The following LAMTOR3 variants were observed in gnomAD, a reference collection of about 807,000 sequenced individuals.
LAMTOR3 encodes late endosomal/lysosomal adaptor, MAPK and MTOR activator 3.
A neutral mutation model predicts 20.3 loss-of-function variants in LAMTOR3; 14 were observed. The observed-to-expected ratio is 0.69, with a 90% CI of 0.46 to 1.08. LAMTOR3 has a LOEUF of 1.08. Ranked by LOEUF, LAMTOR3 falls within the 50% of genes least tolerant of loss-of-function variation. The pLI is 0.00. For missense variants in LAMTOR3, 125 were observed against 143.7 expected (o/e 0.87, Z 0.67); for synonymous variants, 40 against 49.4 (o/e 0.81, Z 0.80).
chr4:99,885,537 C>A lies in LAMTOR3; in HGVS notation c.237+5G>T. On this transcript the variant is annotated splice_donor_5th_base_variant and intron_variant, in intron 5 of 6. Transcript: ENST00000499666. ...CAGCAAATCATTTTATAATTATGAACTTACCTGGTAGGTGTTATAGTAACA... is the reference window on the plus strand; with the variant it reads ...CAGCAAATCATTTTATAATTATGAAATTACCTGGTAGGTGTTATAGTAACA... 1.3e-6 allele frequency: 2 copies of A among 1,594,428 alleles called. No homozygotes were observed. Among genetic ancestry groups the A allele is most frequent in the Non-Finnish European group, 1.7e-6 (2 of 1,172,262 alleles).
chr4:99,884,592 C>T (rs2110179974), intron 5 of LAMTOR3, among the ~76,000 whole-genome samples: 1 of 152,110 alleles, frequency 6.6e-6, no homozygotes, highest in African/African-American at 2.4e-5. Context: ...TAGTTTAAAC[C>T]TAATCCTTAT....
chr4:99,886,086 C>T (rs771050634), intron 4 of LAMTOR3, among the ~76,000 whole-genome samples: 35 of 152,176 alleles, frequency 2.3e-4, no homozygotes, highest in Non-Finnish European at 4.9e-4. Flanking sequence ...TAACAATCTG[C>T]AGCTGGTTAC....
rs1011988353 is a variant in LAMTOR3 at position 99,893,210 on chromosome 4, T to C, written c.9+745A>G. 1.1e-3 allele frequency among the ~76,000 whole-genome samples: 166 copies of C among 152,156 alleles called. 2 individuals carry two copies. Among genetic ancestry groups the C allele is most frequent in the Non-Finnish European group, 1.3e-4 (9 of 67,988 alleles). ...AATTTCTTTTTGTAGAACGGGGTCT[T>C]GCTATGTTGCCCAGGCTGATCTTGA... On this transcript the variant is annotated intron_variant, in intron 2 of 6. Transcript: ENST00000499666.
chr4:99,891,869 C>T (rs1206043068), intron 3 of LAMTOR3, 131 bp downstream of exon 3: 1 of 1,405,660 alleles, frequency 7.1e-7, no homozygotes, highest in Non-Finnish European at 9.3e-7. Context: ...GGACGTGAGG[C>T]TGGCAAAAAA....
In LAMTOR3 at chr4:99,885,549, G is replaced by A; in HGVS notation, c.230C>T (p.Thr77Ile). The A allele has an allele frequency of 6.2e-7, 1 of 1,610,392 alleles. No individual in the cohort carries two copies. Among genetic ancestry groups the A allele is most frequent in the Non-Finnish European group, 8.5e-7 (1 of 1,178,500 alleles). The change falls in exon 5 of 7, where the codon ACC becomes ATC. Residue 77 changes from threonine (T) to isoleucine (I), a missense_variant. Physicochemically the swap from Thr to Ile is moderately conservative, Grantham distance 89. Around this residue, in one of 3 missense-constraint regions of LAMTOR3, gnomAD observed 99 missense variants for 96.0 expected, o/e 1.03. Coordinates refer to ENST00000499666, the MANE Select transcript of LAMTOR3 (RefSeq NM_021970.4). ...TTATAATTATGAACTTACCTGGTAG[G>A]TGTTATAGTAACAGATGATACTTTT... is the stretch of plus-strand genomic sequence containing the variant. ...KNKSIICYYN[T>I]YQVVQFNRLP...
intron 3 of LAMTOR3, among the ~76,000 whole-genome samples, chr4:99,889,140 G>A (rs1724979720): frequency 6.6e-6 from 1 of 152,152 alleles, no homozygotes; most frequent in African/African-American, 2.4e-5. Flanking sequence ...GGGTTGCAGT[G>A]AGCCAAGATT....
At chr4:99,890,900 T>C (rs1725010103) in intron 3 of LAMTOR3, among the ~76,000 whole-genome samples, 1 of 152,202 alleles carries the variant, frequency 6.6e-6, no homozygotes, top group Non-Finnish European at 1.5e-5. Context: ...AGCTTCATCA[T>C]ATCCAGTGTC....
intron 3 of LAMTOR3, among the ~76,000 whole-genome samples, chr4:99,889,954 C>A (rs1280254935): frequency 6.6e-6 from 1 of 152,076 alleles, no homozygotes; most frequent in Non-Finnish European, 1.5e-5. Context: ...AAATTACTTA[C>A]ACTCTTAAGT....
intron 4 of LAMTOR3, among the ~76,000 whole-genome samples, chr4:99,886,806 T>TA (rs1195546798): frequency 1.3e-5 from 2 of 152,140 alleles, no homozygotes; most frequent in Admixed American, 1.3e-4. Context: ...ATAGAAATAG[T>TA]AAAAATTGTC....
intron 2 of LAMTOR3, 54 bp from the exon 3 acceptor site, chr4:99,892,088 C>T: frequency 6.6e-7 from 1 of 1,526,602 alleles, no homozygotes; most frequent in South Asian, 1.3e-5. Flanking sequence ...CCACTGTTTT[C>T]TAGATCCTGT....
chr4:99,883,539 C>A (rs983073320), intron 6 of LAMTOR3, among the ~76,000 whole-genome samples: 1 of 151,952 alleles, frequency 6.6e-6, no homozygotes, highest in Non-Finnish European at 1.5e-5. Flanking sequence ...CATTTGTTCT[C>A]AAATTCTTCA....
Position 99,879,384 on chromosome 4 carries a change from T to G in LAMTOR3, c.*2610A>C, listed in dbSNP as rs1724776394. On this transcript the variant is annotated 3_prime_UTR_variant, in exon 7 of 7. Coordinates refer to ENST00000499666, the MANE Select transcript of LAMTOR3 (RefSeq NM_021970.4). Reference sequence around the variant, plus strand: ...TATACCCCCTCAGAAATTTTAACAGTGGCAGCATTCAACATGTAAAGGTTA... The same window carrying G: ...TATACCCCCTCAGAAATTTTAACAGGGGCAGCATTCAACATGTAAAGGTTA... 1 of 152,194 alleles carries G rather than the reference T, an allele frequency of 6.6e-6. No individual in the cohort carries two copies. The highest frequency in any genetic ancestry group is 2.1e-4 in the South Asian group (1 of 4,834). The allele number at this position is 152,194 out of a possible 1,614,324, so 9.4% of individuals were successfully genotyped here.
intron 6 of LAMTOR3, 63 bp downstream of exon 6, chr4:99,883,999 T>G (rs1310987201): frequency 8.7e-7 from 1 of 1,153,248 alleles, no homozygotes; most frequent in Admixed American, 1.9e-5. Context: ...AATTAAGGTA[T>G]GGTAATTAAA....
intron 3 of LAMTOR3, among the ~76,000 whole-genome samples, chr4:99,891,744 A>G (rs1725026497): frequency 1.3e-5 from 2 of 152,370 alleles, no homozygotes; most frequent in Non-Finnish European, 2.9e-5. Context: ...GAATTATAGA[A>G]GAAACAGATG....
chr4:99,882,581 G>A (rs1041467204), intron 6 of LAMTOR3, among the ~76,000 whole-genome samples: 5 of 151,924 alleles, frequency 3.3e-5, no homozygotes, highest in African/African-American at 1.2e-4. Flanking sequence ...GTTTTGAAAG[G>A]AAAATCTTAA....
chr4:99,883,227 T>C (rs574650436), intron 6 of LAMTOR3, among the ~76,000 whole-genome samples: 15 of 152,162 alleles, frequency 9.9e-5, no homozygotes, highest in Non-Finnish European at 8.8e-5. Context: ...AGAGATCTAA[T>C]AGATCATCAA....
rs1038135313 is a variant in LAMTOR3, at chr4:99,879,080, G to C, written c.*2914C>G. 6 of 152,134 alleles carry C rather than the reference G, an allele frequency of 3.9e-5. No homozygotes were observed. The highest frequency in any genetic ancestry group is 1.4e-4 in the African/African-American group (6 of 41,414). The allele number at this position is 152,134 out of a possible 1,614,324, so 9.4% of individuals were successfully genotyped here. On this transcript the variant is annotated 3_prime_UTR_variant, in exon 7 of 7. Transcript: ENST00000499666. ...TTGCTGTACATAAAGAGTATAACAAGTCACACTTCCCTAGCAGGCATAGAG... is the reference window on the plus strand; with the variant it reads ...TTGCTGTACATAAAGAGTATAACAACTCACACTTCCCTAGCAGGCATAGAG...
intron 2 of LAMTOR3, 146 bp downstream of exon 2, chr4:99,893,809 G>T: frequency 3.7e-6 from 2 of 543,038 alleles, no homozygotes; most frequent in Non-Finnish European, 3.2e-6. Context: ...TCCCACTTCA[G>T]ATATCAGAGA....
intron 6 of LAMTOR3, 92 bp downstream of exon 6, chr4:99,883,970 A>G: frequency 1.1e-6 from 1 of 927,716 alleles, no homozygotes; most frequent in Non-Finnish European, 1.6e-6. Context: ...TTTTGGCTCT[A>G]AATCTACTAT....
Sources: gnomAD v4.1 joint callset for allele counts (sites outside exome capture counted in the v4.1 genomes callset) on GRCh38, gnomAD v4.1.1 for gene constraint, gnomAD v4.1.1 regional missense constraint, MANE v1.5 for transcripts, NCBI Gene and HGNC (gene_info 2026-07-23, HGNC 2026-07-21) for gene names.